The following CFAP43 variants were observed in gnomAD, a reference collection of about 807,000 sequenced individuals.
CFAP43 encodes the protein cilia and flagella associated protein 43, also known as cilia- and flagella-associated protein 43.
CFAP43 carries 155 observed loss-of-function variants against 218.9 expected under a neutral mutation model. That is an observed-to-expected ratio of 0.71 (90% CI 0.62 to 0.81). The LOEUF is 0.81. CFAP43 is among the 30% of genes least tolerant of loss of function. The pLI is 0.00. For synonymous variants in CFAP43, 645 were observed against 681.3 expected (o/e 0.95, Z 0.83); for missense variants, 1,778 against 1,954.3 (o/e 0.91, Z 1.70).
intron 11 of CFAP43, 33 bp from the exon 12 acceptor site, chr10:104,192,335 A>G: frequency 6.6e-7 from 1 of 1,517,348 alleles, no homozygotes. Context: ...ATCAAATCCC[A>G]ATTGTTTCAC....
Position 104,146,287 on chromosome 10 carries a change from A to G in CFAP43, c.3831T>C (p.Tyr1277=), listed in dbSNP as rs138423878. The part of the protein sequence containing the change: ...REDLDVCKEH[Y]DNLLAEDKVM... The stretch of plus-strand genomic sequence containing the variant: ...CTTTGTCTTCTGCCAGTAAGTTGTC[A>G]TAGTGCTCCTTGCACACATCCAGGT... Residue 1277 remains tyrosine, a synonymous_variant, in exon 30 of 38, where the codon TAT becomes TAC. Coordinates refer to ENST00000357060, the MANE Select transcript of CFAP43 (RefSeq NM_025145.7). 5 of 1,613,688 alleles carry G rather than the reference A, an allele frequency of 3.1e-6. No individual in the cohort carries two copies. The highest frequency in any genetic ancestry group is 2.7e-5 in the African/African-American group (2 of 74,922).
intron 3 of CFAP43, chr10:104,218,974 A>C (rs2091102572): frequency 5.0e-6 from 2 of 402,556 alleles, no homozygotes; most frequent in Admixed American, 7.6e-5. Context: ...TGACAGAAGG[A>C]AACACATGTT....
At chr10:104,221,829 AG>A (rs1193042200) in intron 3 of CFAP43, among the ~76,000 whole-genome samples, 2 of 151,982 alleles carry the variant, frequency 1.3e-5, no homozygotes, top group Non-Finnish European at 2.9e-5. Flanking sequence ...GGGTTGCTGC[AG>A]GGGGGAGGCA....
intron 3 of CFAP43, among the ~76,000 whole-genome samples, chr10:104,214,633 C>A (rs997045871): frequency 2.0e-5 from 3 of 152,144 alleles, no homozygotes; most frequent in Non-Finnish European, 4.4e-5. Context: ...TTTAAAAACA[C>A]TATACTGTCA....
rs371563808 is a variant in CFAP43 at position 104,196,857 on chromosome 10, G to T, written c.1289C>A (p.Thr430Asn). 26 of 1,608,222 alleles carry T rather than the reference G, an allele frequency of 1.6e-5. No individual in the cohort carries two copies. Among genetic ancestry groups the T allele is most frequent in the Non-Finnish European group, 2.0e-5 (23 of 1,176,440 alleles). Residue 430 changes from threonine to asparagine, a missense_variant, in exon 10 of 38, where the codon ACC becomes AAC. Thr to Asn is a moderately conservative substitution (Grantham distance 65). Coordinates refer to ENST00000357060, the MANE Select transcript of CFAP43 (RefSeq NM_025145.7). ...CACVSKIYLN[T>N]LATVLACCPS... ...CCATTTATCAAGTATACTTACTAGG[G>T]TATTCAGATAAATCTTGCTTACACA... is the stretch of plus-strand genomic sequence containing the variant.
At chr10:104,133,292 A>G (rs1030336308) in intron 35 of CFAP43, among the ~76,000 whole-genome samples, 10 of 152,248 alleles carry the variant, frequency 6.6e-5, no homozygotes, top group African/African-American at 2.4e-4. Context: ...GAGTGGTATG[A>G]CATGTTGGAA....
At position 104,150,223 on chromosome 10, in the gene CFAP43, T is replaced by C. The variant is rs114530378; in HGVS notation, c.3661-2225A>G. ...TTAGATTGTTTCCACCTTTTGGCTATGACTAATGCTGCTGTTAGGCTGGAG... is the reference window on the plus strand; with the variant it reads ...TTAGATTGTTTCCACCTTTTGGCTACGACTAATGCTGCTGTTAGGCTGGAG... On this transcript the variant is annotated intron_variant, in intron 28 of 37. Transcript: ENST00000357060. Among the ~76,000 whole-genome samples, 354 of 152,330 alleles carry C rather than the reference T, an allele frequency of 2.3e-3. 1 individual carries two copies. Among genetic ancestry groups the C allele is most frequent in the African/African-American group, 7.5e-3 (311 of 41,584 alleles).
chr10:104,221,662 C>T (rs544558354), intron 3 of CFAP43, among the ~76,000 whole-genome samples: 61 of 152,274 alleles, frequency 4.0e-4, no homozygotes, highest in Non-Finnish European at 7.2e-4. Flanking sequence ...AAGACAGGGA[C>T]CAGCTTCTTT....
At chr10:104,226,017 C>T (rs1276514176) in intron 2 of CFAP43, among the ~76,000 whole-genome samples, 1 of 152,208 alleles carries the variant, frequency 6.6e-6, no homozygotes, top group African/African-American at 2.4e-5. Context: ...GCTTTTGGAA[C>T]AGCTATAAAA....
chr10:104,141,224 A>G (rs910546289), intron 33 of CFAP43, among the ~76,000 whole-genome samples: 1 of 152,224 alleles, frequency 6.6e-6, no homozygotes, highest in Non-Finnish European at 1.5e-5. Context: ...ACAGAAATAC[A>G]TTTATAGATT....
intron 24 of CFAP43, among the ~76,000 whole-genome samples, chr10:104,163,454 C>G (rs2088983477): frequency 6.6e-6 from 1 of 152,124 alleles, no homozygotes; most frequent in Non-Finnish European, 1.5e-5. Context: ...TATTCTTTAG[C>G]ATTTTTTTTT....
chr10:104,171,427 C>A (rs1249803313), intron 20 of CFAP43, among the ~76,000 whole-genome samples: 7 of 152,190 alleles, frequency 4.6e-5, no homozygotes, highest in Non-Finnish European at 1.0e-4. Flanking sequence ...TATATCTTCA[C>A]CCCAGTCATT....
At chr10:104,132,630 AG>A in intron 35 of CFAP43, 2 of 985,410 alleles carry the variant, frequency 2.0e-6, no homozygotes, top group Non-Finnish European at 2.4e-6. Context: ...AAACAAAAAA[AG>A]ATTGATTTGG....
intron 24 of CFAP43, among the ~76,000 whole-genome samples, chr10:104,162,677 G>A (rs983670387): frequency 6.6e-6 from 1 of 151,846 alleles, no homozygotes; most frequent in Non-Finnish European, 1.5e-5. Context: ...AGGGAGGGGG[G>A]CTCAAAGAAG....
intron 32 of CFAP43, 61 bp from the exon 33 acceptor site, chr10:104,142,454 C>T (rs543977253): frequency 1.6e-6 from 2 of 1,246,646 alleles, no homozygotes; most frequent in African/African-American, 1.5e-5. Context: ...AGACAACATA[C>T]ATCTTTTAAC....
intron 16 of CFAP43, among the ~76,000 whole-genome samples, chr10:104,184,277 G>A (rs2089957765): frequency 1.3e-5 from 2 of 152,046 alleles, no homozygotes; most frequent in Non-Finnish European, 2.9e-5. Context: ...TCCTTGTTTG[G>A]GGACTGAAAC....
chr10:104,190,718 C>A (rs1384125429), intron 12 of CFAP43, among the ~76,000 whole-genome samples: 1 of 152,238 alleles, frequency 6.6e-6, no homozygotes, highest in African/African-American at 2.4e-5. Context: ...CTTATCCCTT[C>A]CTTTCGCATC....
intron 4 of CFAP43, 51 bp downstream of exon 4, chr10:104,214,208 G>T: frequency 6.7e-7 from 1 of 1,498,552 alleles, no homozygotes; most frequent in South Asian, 1.4e-5. Context: ...CACATTACAC[G>T]AATGCAAACA....
At chr10:104,218,231 C>T (rs538151263) in intron 3 of CFAP43, among the ~76,000 whole-genome samples, 1 of 151,674 alleles carries the variant, frequency 6.6e-6, no homozygotes, top group Non-Finnish European at 1.5e-5. Flanking sequence ...GCCTGTAGTC[C>T]CAGCTACTCG....
Sources: gnomAD v4.1 joint callset for allele counts (sites outside exome capture counted in the v4.1 genomes callset) on GRCh38, gnomAD v4.1.1 for gene constraint, MANE v1.5 for transcripts, NCBI Gene and HGNC (gene_info 2026-07-23, HGNC 2026-07-21) for gene names.